NSD2: variants seen among roughly 807,000 people sequenced by gnomAD.
NSD2 encodes the protein histone-lysine N-methyltransferase NSD2.
Under a neutral mutation model 139.0 loss-of-function variants are expected in NSD2, and 12 were observed. The observed-to-expected ratio is 0.09, with a 90% confidence interval of 0.06 to 0.14. NSD2 has a LOEUF of 0.14. Ranked by LOEUF, NSD2 falls within the 10% of genes least tolerant of loss-of-function variation. The probability of loss-of-function intolerance (pLI) is 1.00; values close to 1 mark genes in which losing one functional copy is unlikely to be tolerated. For synonymous variants in NSD2, 669 were observed against 648.7 expected, an observed-to-expected ratio of 1.03 and a Z score of -0.48; for missense variants, 1,155 against 1,745.0, an observed-to-expected ratio of 0.66 and a Z score of 6.02.
chr4:1,967,145 A>C (rs1051584573), intron 18 of NSD2, among the ~76,000 whole-genome samples: 1 of 152,256 alleles, frequency 6.6e-6, no homozygotes, highest in African/African-American at 2.4e-5. Flanking sequence ...AGTACTGTGA[A>C]CAACTGTACT....
At position 1,907,327 on chromosome 4, in the gene NSD2, T is replaced by C. The variant is rs562436148; in HGVS notation, c.760+2949T>C. Reference sequence around the variant, plus strand: ...TATAGCTGCTTCCTGAAAACCTTCATGTTTGACCAGTTATTAACCCTGCAG... The same window carrying C: ...TATAGCTGCTTCCTGAAAACCTTCACGTTTGACCAGTTATTAACCCTGCAG... On this transcript the variant is annotated intron_variant, in intron 3 of 21. Transcript: ENST00000508803. 3.9e-5 allele frequency among the ~76,000 whole-genome samples: 6 copies of C among 152,290 alleles called. No homozygotes were observed. The South Asian group carries it at 1.0e-3, about 26-fold the overall frequency.
chr4:1,888,903 T>A (rs1298092250), intron 1 of NSD2, among the ~76,000 whole-genome samples: 2 of 133,916 alleles, frequency 1.5e-5, no homozygotes, highest in Non-Finnish European at 3.1e-5. Context: ...ATATTAGTAT[T>A]TTTTTTTTTT....
intron 5 of NSD2, among the ~76,000 whole-genome samples, chr4:1,922,361 G>A (rs1029428508): frequency 6.6e-6 from 1 of 152,110 alleles, no homozygotes; most frequent in African/African-American, 2.4e-5. Flanking sequence ...CAGGTACTGC[G>A]GAATCAATAT....
At chr4:1,950,046 A>G (rs930089524) in intron 9 of NSD2, among the ~76,000 whole-genome samples, 8 of 152,342 alleles carry the variant, frequency 5.3e-5, no homozygotes, top group South Asian at 4.1e-4. Context: ...CAGGAAATGT[A>G]GTTTATGCTT....
At chr4:1,895,763 TCATTCTAGACCTGTTTTGA>T (rs1470893077) in intron 1 of NSD2, among the ~76,000 whole-genome samples, 2 of 152,220 alleles carry the variant, frequency 1.3e-5, no homozygotes, top group Non-Finnish European at 2.9e-5. Flanking sequence ...CCAGTGTCAC[TCATTCTAGACCTGTTTTGA>T]CATTTTTTGG....
At chr4:1,965,524 C>T (rs957896729) in intron 18 of NSD2, among the ~76,000 whole-genome samples, 1 of 152,128 alleles carries the variant, frequency 6.6e-6, no homozygotes, top group Non-Finnish European at 1.5e-5. Flanking sequence ...TAAAGAAGCT[C>T]AATAAACTCC....
intron 1 of NSD2, among the ~76,000 whole-genome samples, chr4:1,889,437 C>T (rs904067783): frequency 6.6e-6 from 1 of 152,058 alleles, no homozygotes; most frequent in Non-Finnish European, 1.5e-5. Flanking sequence ...TCAAGCGATC[C>T]TCCTGCCTGG....
chr4:1,971,466 C>T (rs1726469247), intron 18 of NSD2, among the ~76,000 whole-genome samples: 2 of 152,102 alleles, frequency 1.3e-5, no homozygotes, highest in Non-Finnish European at 2.9e-5. Context: ...AGCATGAATT[C>T]AGCACTGTCG....
chr4:1,930,682 A>C lies in NSD2; in HGVS notation c.1467A>C (p.Ser489=), dbSNP rs1340754682. ...AGGAGATTGAAGAGCTGCTCAGGTC[A>C]CAGTGGAGTCTGCTGAGTGAGAAGC... is the stretch of plus-strand genomic sequence containing the variant. The part of the protein sequence containing the change: ...SGEEIEELLR[S]QWSLLSEKQR... Residue 489 remains serine, a synonymous_variant, in exon 6 of 22, where the codon TCA becomes TCC. Coordinates refer to ENST00000508803, the MANE Select transcript of NSD2 (RefSeq NM_001042424.3). 2 of 1,614,034 alleles carry C rather than the reference A, an allele frequency of 1.2e-6. No individual in the cohort carries two copies. Among genetic ancestry groups the C allele is most frequent in the Admixed American group, 3.3e-5 (2 of 59,994 alleles).
intron 9 of NSD2, chr4:1,940,918 A>C (rs1723028539): frequency 3.8e-6 from 4 of 1,057,054 alleles, no homozygotes; most frequent in South Asian, 4.6e-5. Flanking sequence ...CACTCCTCCG[A>C]GTGGGATTTT....
chr4:1,895,471 C>T (rs1323277059), intron 1 of NSD2, among the ~76,000 whole-genome samples: 1 of 152,190 alleles, frequency 6.6e-6, no homozygotes, highest in African/African-American at 2.4e-5. Flanking sequence ...GATTTATCTT[C>T]TAATCTATTA....
chr4:1,906,433 G>T (rs1717907913), intron 3 of NSD2, among the ~76,000 whole-genome samples: 1 of 151,800 alleles, frequency 6.6e-6, no homozygotes, highest in African/African-American at 2.4e-5. Context: ...TAGAGATGGG[G>T]TTTCACCATG....
chr4:1,875,545 G>T (rs1316951821), intron 1 of NSD2, among the ~76,000 whole-genome samples: 1 of 152,058 alleles, frequency 6.6e-6, no homozygotes, highest in African/African-American at 2.4e-5. Flanking sequence ...CTTGTGCCTG[G>T]CCTGCAGTAT....
intron 1 of NSD2, among the ~76,000 whole-genome samples, chr4:1,890,306 G>T (rs1011695472): frequency 2.0e-5 from 3 of 146,868 alleles, no homozygotes; most frequent in Admixed American, 1.4e-4. Context: ...TTTGTTTTTT[G>T]TTTTTTTTTT....
intron 5 of NSD2, among the ~76,000 whole-genome samples, chr4:1,923,188 A>G (rs1720387713): frequency 6.6e-6 from 1 of 151,816 alleles, no homozygotes; most frequent in South Asian, 2.1e-4. Context: ...AAAACTATGT[A>G]TGTTAAAATG....
At position 1,927,638 on chromosome 4, in the gene NSD2, G is replaced by T. The variant is rs147157320; in HGVS notation, c.1411-2988G>T. On this transcript the variant is annotated intron_variant, in intron 5 of 21. Transcript: ENST00000508803. Reference sequence around the variant, plus strand: ...GGAGGCTAAGGTGGGAGAATCGCTTGAACCCAGGAGGCAGAGGTTGCAGTG... The same window carrying T: ...GGAGGCTAAGGTGGGAGAATCGCTTTAACCCAGGAGGCAGAGGTTGCAGTG... 4.7e-3 allele frequency among the ~76,000 whole-genome samples: 658 copies of T among 141,060 alleles called. 6 individuals are homozygous for T. Among genetic ancestry groups the T allele is most frequent in the African/African-American group, 0.016 (622 of 37,946 alleles). 92.5% of individuals were successfully genotyped at this position (141,060 alleles called of 152,430 possible).
chr4:1,974,821 C>T lies in NSD2; in HGVS notation c.3373-42C>T, dbSNP rs749670640. On this transcript the variant is annotated intron_variant, in intron 18 of 21. Transcript: ENST00000508803. The surrounding 1 kb of genome is among the most constrained non-coding windows in gnomAD (Gnocchi z 4.0). Reference sequence around the variant, plus strand: ...GAAAATTCCCTTTAAAAATAACATGCGATTGCTAACACTTGACCGAATATA... The same window carrying T: ...GAAAATTCCCTTTAAAAATAACATGTGATTGCTAACACTTGACCGAATATA... The T allele has an allele frequency of 1.5e-5, 24 of 1,609,996 alleles. No homozygotes were observed. Among genetic ancestry groups the T allele is most frequent in the South Asian group, 8.8e-5 (8 of 91,042 alleles).
chr4:1,933,308 CTT>C (rs1056924427), intron 6 of NSD2, among the ~76,000 whole-genome samples: 2 of 152,370 alleles, frequency 1.3e-5, no homozygotes, highest in Non-Finnish European at 2.9e-5. Flanking sequence ...GCTGAGCACT[CTT>C]TTGCTGGTGT....
rs1008148702 is a variant in NSD2 at position 1,925,064 on chromosome 4, G to C, written c.1411-5562G>C. 4.6e-5 allele frequency among the ~76,000 whole-genome samples: 7 copies of C among 152,218 alleles called. No homozygotes were observed. In the South Asian group the frequency reaches 1.5e-3, roughly 32 times the overall value. ...GCTGGGTGGTTTTGAAGAATTTTCT[G>C]TTATCGGAAAAGCAATGACTATTAG... On this transcript the variant is annotated intron_variant, in intron 5 of 21. Coordinates refer to ENST00000508803, the MANE Select transcript of NSD2 (RefSeq NM_001042424.3).
Sources: gnomAD v4.1 joint callset for allele counts (sites outside exome capture counted in the v4.1 genomes callset) on GRCh38, gnomAD v4.1.1 for gene constraint, Gnocchi (gnomAD v3.1) non-coding constraint, MANE v1.5 for transcripts, NCBI Gene and HGNC (gene_info 2026-07-23, HGNC 2026-07-21) for gene names.